WWP1: variants seen among roughly 807,000 people sequenced by gnomAD.
WWP1 encodes the protein NEDD4-like E3 ubiquitin-protein ligase WWP1.
A neutral mutation model predicts 130.6 loss-of-function variants in WWP1; 49 were observed. The observed-to-expected ratio is 0.38, with a 90% confidence interval of 0.30 to 0.48. The LOEUF is 0.48. Among genes scored for constraint, WWP1 ranks in the 20% least tolerant of loss-of-function variants. The pLI is 0.99. For synonymous variants in WWP1, 332 were observed against 367.8 expected, an observed-to-expected ratio of 0.90 and a Z score of 1.11; for missense variants, 809 against 1,100.6, an observed-to-expected ratio of 0.74 and a Z score of 3.75.
rs1273468551 is a variant in WWP1, at chr8:86,412,020, T to C, written c.1061+146T>C. Reference sequence around the variant, plus strand: ...TGAATCATACTATTTATTTACTTGCTACAAAACAAGTACTTTTTGAAACTA... The same window carrying C: ...TGAATCATACTATTTATTTACTTGCCACAAAACAAGTACTTTTTGAAACTA... On this transcript the variant is annotated intron_variant, in intron 9 of 24. Transcript: ENST00000517970. 3 of 802,644 alleles carry C rather than the reference T, an allele frequency of 3.7e-6. No individual in the cohort carries two copies. In the African/African-American group the frequency reaches 5.2e-5, roughly 14 times the overall value. The allele number at this position is 802,644 out of a possible 1,614,324, so 49.7% of individuals were successfully genotyped here.
chr8:86,431,879 T>C, intron 14 of WWP1, 136 bp downstream of exon 14: 2 of 1,083,116 alleles, frequency 1.8e-6, no homozygotes, highest in African/African-American at 1.6e-5. Flanking sequence ...AACCTTAGTA[T>C]AGCTGTCTTT....
At chr8:86,457,357 C>T (rs1183271051) in intron 21 of WWP1, among the ~76,000 whole-genome samples, 1 of 151,370 alleles carries the variant, frequency 6.6e-6, no homozygotes, top group African/African-American at 2.4e-5. Flanking sequence ...AAATGAGAAC[C>T]AGAAATAGGT....
intron 2 of WWP1, 68 bp from the exon 3 acceptor site, chr8:86,373,962 A>C (rs1824480638): frequency 2.6e-6 from 3 of 1,134,128 alleles, no homozygotes; most frequent in Non-Finnish European, 3.8e-6. Flanking sequence ...TTAAACAAGT[A>C]GTTTTAATAT....
At chr8:86,455,703 G>A (rs770560280) in intron 21 of WWP1, among the ~76,000 whole-genome samples, 6 of 151,956 alleles carry the variant, frequency 3.9e-5, no homozygotes, top group South Asian at 2.1e-4. Flanking sequence ...TAAAGTGTCA[G>A]TTCTCTCCAA....
chr8:86,362,087 C>CAT (rs58390698), intron 1 of WWP1, among the ~76,000 whole-genome samples: 37 of 124,770 alleles, frequency 3.0e-4, no homozygotes, highest in South Asian at 1.0e-3. Context: ...TATATACACA[C>CAT]ATATATATAT....
chr8:86,391,280 A>C (rs1328269275), intron 5 of WWP1, among the ~76,000 whole-genome samples: 14 of 152,136 alleles, frequency 9.2e-5, no homozygotes, highest in African/African-American at 3.4e-4. Context: ...TTAATCCTCT[A>C]ATACATTGTC....
chr8:86,461,876 G>A, intron 24 of WWP1, 30 bp downstream of exon 24: 1 of 1,542,422 alleles, frequency 6.5e-7, no homozygotes, highest in Non-Finnish European at 8.9e-7. Flanking sequence ...ATACGAAGGT[G>A]AAAGCCACAG....
At chr8:86,442,834 A>G in intron 18 of WWP1, 56 bp downstream of exon 18, 1 of 1,424,544 alleles carries the variant, frequency 7.0e-7, no homozygotes, top group Non-Finnish European at 9.2e-7. Context: ...GTATTAGAGA[A>G]GGCTTTTAAA....
At chr8:86,362,871 A>C (rs959284380) in intron 1 of WWP1, among the ~76,000 whole-genome samples, 1 of 152,228 alleles carries the variant, frequency 6.6e-6, no homozygotes, top group African/African-American at 2.4e-5. Flanking sequence ...ATTAACAGAT[A>C]CAAATCAGAT....
chr8:86,381,484 TTAA>T lies in WWP1; in HGVS notation c.210-16_210-14del, dbSNP rs779723300. ...GACAACGTCTACTCCTGTATTTTTG[TTAA>T]TAATTTTACCCTTCCAGAAATGTTA... On this transcript the variant is annotated intron_variant, in intron 4 of 24. Coordinates refer to ENST00000517970, the MANE Select transcript of WWP1 (RefSeq NM_007013.4). 3.8e-5 allele frequency: 61 copies of T among 1,598,908 alleles called. No individual in the cohort carries two copies. The East Asian group carries it at 5.4e-4, about 14-fold the overall frequency.
chr8:86,447,978 G>A (rs567530538), intron 18 of WWP1, among the ~76,000 whole-genome samples, 170 bp from the exon 19 acceptor site: 7 of 152,140 alleles, frequency 4.6e-5, no homozygotes, highest in African/African-American at 1.7e-4. Flanking sequence ...TTTTAACTTT[G>A]TTTTTCATAC....
At chr8:86,390,372 G>A (rs995576437) in intron 5 of WWP1, among the ~76,000 whole-genome samples, 3 of 152,134 alleles carry the variant, frequency 2.0e-5, no homozygotes, top group South Asian at 2.1e-4. Context: ...GTAGCAAGCC[G>A]AGATCACGCC....
intron 2 of WWP1, among the ~76,000 whole-genome samples, chr8:86,372,055 G>A (rs1374335418): frequency 8.8e-6 from 1 of 113,752 alleles, no homozygotes; most frequent in Non-Finnish European, 1.7e-5. Flanking sequence ...ACGGAGTTTC[G>A]CTCTGTCGCC....
intron 18 of WWP1, among the ~76,000 whole-genome samples, chr8:86,445,971 CTTTTCTTTTTTTT>C (rs1810842867): frequency 9.1e-6 from 1 of 110,346 alleles, no homozygotes; most frequent in African/African-American, 3.7e-5. Flanking sequence ...CTTTTCTTTT[CTTTTCTTTTTTTT>C]TTTTTTTTTT....
intron 1 of WWP1, among the ~76,000 whole-genome samples, chr8:86,352,784 A>G (rs1385552633): frequency 1.3e-5 from 2 of 152,138 alleles, no homozygotes; most frequent in African/African-American, 4.8e-5. Flanking sequence ...ATCCAAACAA[A>G]CTCTAGAAAC....
chr8:86,380,889 A>G, intron 4 of WWP1, 25 bp downstream of exon 4: 3 of 1,555,040 alleles, frequency 1.9e-6, no homozygotes, highest in Admixed American at 2.0e-5. Context: ...TAAAGGACGG[A>G]AAATCTTCAC....
At position 86,398,333 on chromosome 8, in the gene WWP1, T is replaced by G. The variant is rs367902938; in HGVS notation, c.335-9T>G. Reference sequence around the variant, plus strand: ...AAAAGCTTTTAAATTAGAATATTCTTCTTTCTAGTGGAAAGAGTGAAAGAA... The same window carrying G: ...AAAAGCTTTTAAATTAGAATATTCTGCTTTCTAGTGGAAAGAGTGAAAGAA... On this transcript the variant is annotated splice_polypyrimidine_tract_variant and intron_variant, in intron 5 of 24. Transcript: ENST00000517970. 1 of 1,573,306 alleles carries G rather than the reference T, an allele frequency of 6.4e-7. No individual in the cohort carries two copies. The highest frequency in any genetic ancestry group is 8.6e-7 in the Non-Finnish European group (1 of 1,160,272).
chr8:86,445,971 CTTTTCTTTTT>C (rs1810842531), intron 18 of WWP1, among the ~76,000 whole-genome samples: 2 of 110,342 alleles, frequency 1.8e-5, no homozygotes, highest in East Asian at 2.4e-4. Context: ...CTTTTCTTTT[CTTTTCTTTTT>C]TTTTTTTTTT....
chr8:86,455,872 A>G (rs1811416659), intron 21 of WWP1, among the ~76,000 whole-genome samples: 1 of 151,970 alleles, frequency 6.6e-6, no homozygotes, highest in Non-Finnish European at 1.5e-5. Flanking sequence ...TAAGATTTCT[A>G]ACACCATAGT....
Sources: gnomAD v4.1 joint callset for allele counts (sites outside exome capture counted in the v4.1 genomes callset) on GRCh38, gnomAD v4.1.1 for gene constraint, MANE v1.5 for transcripts, NCBI Gene and HGNC (gene_info 2026-07-23, HGNC 2026-07-21) for gene names.